Variants in LMO3 observed in about 807,000 individuals in gnomAD.
The protein encoded by LMO3 is LIM domain only 3.
LMO3 carries 2 observed loss-of-function variants against 15.8 expected under a neutral mutation model. The ratio of observed to expected loss-of-function variants is 0.13; its 90% confidence interval spans 0.05 to 0.40. LMO3 has a LOEUF of 0.40. Among genes scored for constraint, LMO3 ranks in the 10% least tolerant of loss-of-function variants. The probability of loss-of-function intolerance (pLI) is 0.99; values close to 1 mark genes in which losing one functional copy is unlikely to be tolerated. For missense variants in LMO3, 86 were observed against 182.2 expected (o/e 0.47, Z 3.04); for synonymous variants, 62 against 63.8 (o/e 0.97, Z 0.13).
rs750656827 is a variant in LMO3, at chr12:16,550,388, G to C, written c.*834C>G. ...TTTTACGTGATACCCAAAGGCACTA[G>C]TTCACATAAGGGGTGTGGCTGAAAA... On this transcript the variant is annotated 3_prime_UTR_variant, in exon 4 of 4. Coordinates refer to ENST00000537304, the MANE Select transcript of LMO3 (RefSeq NM_018640.5). The C allele has an allele frequency of 1.8e-4, 27 of 152,306 alleles. No homozygotes were observed. The highest frequency in any genetic ancestry group is 3.5e-4 in the Non-Finnish European group (24 of 67,876). The allele number at this position is 152,306 out of a possible 1,614,324, so 9.4% of individuals were successfully genotyped here.
chr12:16,578,769 G>C (rs1476832076), intron 2 of LMO3, among the ~76,000 whole-genome samples: 5 of 151,968 alleles, frequency 3.3e-5, no homozygotes, highest in Non-Finnish European at 7.4e-5. Context: ...AGTGAGCCGA[G>C]ATCGAGCCAC....
At chr12:16,581,424 G>A (rs1207937706) in intron 2 of LMO3, among the ~76,000 whole-genome samples, 2 of 152,106 alleles carry the variant, frequency 1.3e-5, no homozygotes, top group African/African-American at 4.8e-5. Context: ...ACAGCACTTA[G>A]CACATATATA....
chr12:16,556,278 A>C (rs975999057), intron 3 of LMO3, among the ~76,000 whole-genome samples: 2 of 152,150 alleles, frequency 1.3e-5, no homozygotes, highest in African/African-American at 2.4e-5. Context: ...GAATCTTCCA[A>C]TTCTGAATGA....
chr12:16,563,927 G>A (rs908534611), intron 2 of LMO3, among the ~76,000 whole-genome samples: 2 of 151,972 alleles, frequency 1.3e-5, no homozygotes, highest in Non-Finnish European at 2.9e-5. Flanking sequence ...CCAATTTATG[G>A]GCTAGATTTT....
At chr12:16,580,688 G>A (rs931178850) in intron 2 of LMO3, among the ~76,000 whole-genome samples, 1 of 152,132 alleles carries the variant, frequency 6.6e-6, no homozygotes, top group African/African-American at 2.4e-5. Context: ...ACATACATGT[G>A]CATAAATACA....
chr12:16,605,647 T>C, intron 1 of LMO3: 1 of 994,222 alleles, frequency 1.0e-6, no homozygotes, highest in South Asian at 1.6e-5. Flanking sequence ...TCTTTTCCTA[T>C]GGGCTGGGAG....
chr12:16,556,885 G>A (rs938011784), intron 3 of LMO3, among the ~76,000 whole-genome samples: 1 of 152,122 alleles, frequency 6.6e-6, no homozygotes, highest in African/African-American at 2.4e-5. Context: ...CGGCACTAAA[G>A]ATATGCAGTC....
At chr12:16,592,259 C>A (rs1280883429) in intron 2 of LMO3, among the ~76,000 whole-genome samples, 1 of 151,982 alleles carries the variant, frequency 6.6e-6, no homozygotes, top group East Asian at 1.9e-4. Context: ...ATCATAAACA[C>A]AAACCCCAAT....
At chr12:16,573,474 A>AACTACT (rs1942889886) in intron 2 of LMO3, 3 of 152,186 alleles carry the variant, frequency 2.0e-5, no homozygotes, top group Non-Finnish European at 2.9e-5. Flanking sequence ...TGTATAAATA[A>AACTACT]AGTACTAACC....
chr12:16,565,489 T>C (rs1288825984), intron 2 of LMO3, among the ~76,000 whole-genome samples: 5 of 152,226 alleles, frequency 3.3e-5, no homozygotes, highest in Non-Finnish European at 5.9e-5. Flanking sequence ...GTTCTTTCTC[T>C]TTTTGGGTTC....
intron 2 of LMO3, 145 bp downstream of exon 2, chr12:16,600,508 CAG>C: frequency 1.5e-6 from 1 of 648,304 alleles, no homozygotes; most frequent in Middle Eastern, 4.2e-4. Context: ...GTAACACACA[CAG>C]GGCAACGCTT....
In LMO3 at chr12:16,606,073, A is replaced by G; in HGVS notation, c.-16T>C. On this transcript the variant is annotated 5_prime_UTR_variant, in exon 1 of 4. Coordinates refer to ENST00000537304, the MANE Select transcript of LMO3 (RefSeq NM_018640.5). ...CACAGTTGCTGCACTTACCTTCTCA[A>G]TTAAGCGATACAGGGGGAGGCCGTT... 1.9e-6 allele frequency: 1 copy of G among 515,924 alleles called. No individual in the cohort carries two copies. Among genetic ancestry groups the G allele is most frequent in the Non-Finnish European group, 3.5e-6 (1 of 287,986 alleles). The allele number at this position is 515,924 out of a possible 1,614,324, so 32.0% of individuals were successfully genotyped here.
At chr12:16,557,145 C>T (rs1942220180) in intron 3 of LMO3, among the ~76,000 whole-genome samples, 1 of 152,074 alleles carries the variant, frequency 6.6e-6, no homozygotes, top group Admixed American at 6.6e-5. Context: ...AATTACTTTG[C>T]ATCATAATAG....
At chr12:16,552,962 T>C (rs1177202325) in intron 3 of LMO3, among the ~76,000 whole-genome samples, 2 of 152,092 alleles carry the variant, frequency 1.3e-5, no homozygotes, top group African/African-American at 4.8e-5. Flanking sequence ...CTTATGATAA[T>C]TGAAAATAAA....
At position 16,603,473 on chromosome 12, in the gene LMO3, CA is replaced by C. The variant is rs1943891245; in HGVS notation, c.-9+2592del. Among the ~76,000 whole-genome samples, 2 of 152,164 alleles carry C rather than the reference CA, an allele frequency of 1.3e-5. No individual in the cohort carries two copies. Among genetic ancestry groups the C allele is most frequent in the Admixed American group, 6.5e-5 (1 of 15,270 alleles). ...GAGTTACGTGTTTGTAGCTAAGAAA[CA>C]TTTCACAAGTTGCTCATAGCACATC... On this transcript the variant is annotated intron_variant, in intron 1 of 3. Coordinates refer to ENST00000537304, the MANE Select transcript of LMO3 (RefSeq NM_018640.5). This position sits in a 1 kb window ranked among gnomAD's most constrained non-coding sequence, Gnocchi z 4.9.
intron 2 of LMO3, among the ~76,000 whole-genome samples, chr12:16,580,843 C>T (rs1943137788): frequency 6.6e-6 from 1 of 152,060 alleles, no homozygotes; most frequent in South Asian, 2.1e-4. Flanking sequence ...GCAATAAAAG[C>T]TTTTATTAAT....
chr12:16,602,139 G>A (rs1943841745), intron 1 of LMO3: 1 of 152,150 alleles, frequency 6.6e-6, no homozygotes, highest in African/African-American at 2.4e-5. Flanking sequence ...TGCTCTCCTA[G>A]GCATAAAGTT....
In LMO3 at chr12:16,605,252, C is replaced by CA. The variant is rs1459722407; in HGVS notation, c.-9+813_-9+814insT. 5 of 1,263,048 alleles carry CA rather than the reference C, an allele frequency of 4.0e-6. No homozygotes were observed. The African/African-American group carries it at 7.5e-5, about 19-fold the overall frequency. The allele number at this position is 1,263,048 out of a possible 1,614,324, so 78.2% of individuals were successfully genotyped here. On this transcript the variant is annotated intron_variant, in intron 1 of 3. Transcript: ENST00000537304. Reference sequence around the variant, plus strand: ...GATTTGATTAAACTGTCACATGCAGCGTTAGCATAGCATATCATGTTCAAT... The same window carrying CA: ...GATTTGATTAAACTGTCACATGCAGCAGTTAGCATAGCATATCATGTTCAAT...
intron 2 of LMO3, among the ~76,000 whole-genome samples, chr12:16,569,727 C>T (rs1942745567): frequency 6.6e-6 from 1 of 151,980 alleles, no homozygotes; most frequent in African/African-American, 2.4e-5. Context: ...GTCAAGCTTG[C>T]TATTTATTGT....
Sources: allele counts gnomAD v4.1 joint callset (sites outside exome capture counted in the v4.1 genomes callset), GRCh38; gene constraint gnomAD v4.1.1; non-coding constraint Gnocchi (gnomAD v3.1); transcripts MANE v1.5; gene names NCBI Gene and HGNC (gene_info 2026-07-23, HGNC 2026-07-21).